Variants in TNC observed in about 807,000 individuals in gnomAD.
The protein encoded by TNC is tenascin.
Under a neutral mutation model 202.4 loss-of-function variants are expected in TNC, and 109 were observed. The ratio of observed to expected loss-of-function variants is 0.54; its 90% CI spans 0.46 to 0.63. TNC has a LOEUF of 0.63. Among genes scored for constraint, TNC ranks in the 30% least tolerant of loss-of-function variants. TNC has a pLI of 0.00. For missense variants in TNC, 2,756 were observed against 2,833.3 expected (o/e 0.97, Z 0.62); for synonymous variants, 1,007 against 1,089.7 (o/e 0.92, Z 1.50).
intron 24 of TNC, 137 bp downstream of exon 24, chr9:115,030,117 C>CAGGCACTATCTTGCAAGGCCTCACACAG: frequency 1.2e-6 from 1 of 851,706 alleles, no homozygotes; most frequent in Non-Finnish European, 1.7e-6. Context: ...CTCTGTGTGA[C>CAGGCACTATCTTGCAAGGCCTCACACAG]AGGCACTATC....
chr9:115,082,623 T>C (rs1834386285), intron 5 of TNC, 69 bp downstream of exon 5: 2 of 1,131,390 alleles, frequency 1.8e-6, no homozygotes, highest in South Asian at 2.7e-5. Flanking sequence ...GATACAGAAG[T>C]CTTCAGAACC....
chr9:115,036,006 AAAG>A (rs1019815709), intron 21 of TNC, 89 bp downstream of exon 21: 43 of 1,501,862 alleles, frequency 2.9e-5, no homozygotes, highest in African/African-American at 2.5e-4. Context: ...CTGACTTAAG[AAAG>A]AAGAACTGGC....
chr9:115,053,656 TC>T (rs1336863556), intron 15 of TNC, among the ~76,000 whole-genome samples: 1 of 152,244 alleles, frequency 6.6e-6, no homozygotes, highest in African/African-American at 2.4e-5. Flanking sequence ...CTTTGGAGTT[TC>T]CTCATTTAGT....
In TNC at chr9:115,076,555, G is replaced by T; in HGVS notation, c.2695C>A (p.Leu899Ile). Reference protein sequence around the residue: ...FTTGLDAPRNLRRVSQTDNSI... With the variant: ...FTTGLDAPRNIRRVSQTDNSI... ...TTATCTGTCTGGGAAACACGTCGAA[G>T]ATTCCTGGGAGCATCGAGGCCTGTT... The change falls in exon 8 of 28, where the codon CTT (leucine) becomes ATT (isoleucine). Residue 899 changes from leucine to isoleucine, a missense_variant. Coordinates refer to ENST00000350763, the MANE Select transcript of TNC (RefSeq NM_002160.4). 2 of 1,614,206 alleles carry T rather than the reference G, an allele frequency of 1.2e-6. No individual in the cohort carries two copies. Among genetic ancestry groups the T allele is most frequent in the Non-Finnish European group, 1.7e-6 (2 of 1,180,036 alleles).
intron 7 of TNC, 68 bp from the exon 8 acceptor site, chr9:115,076,643 C>A: frequency 6.5e-7 from 1 of 1,537,606 alleles, no homozygotes; most frequent in Non-Finnish European, 8.8e-7. Flanking sequence ...TTTGACAGCT[C>A]AAGCTGACAT....
At chr9:115,065,332 G>T (rs1832866605) in intron 10 of TNC, among the ~76,000 whole-genome samples, 1 of 152,148 alleles carries the variant, frequency 6.6e-6, no homozygotes, top group African/African-American at 2.4e-5. Context: ...GAAGGTGGAG[G>T]TTGCAGTGAG....
chr9:115,041,077 G>A lies in TNC; in HGVS notation c.5256C>T (p.Pro1752=). The A allele has an allele frequency of 9.9e-6, 16 of 1,613,032 alleles. No homozygotes were observed. Among genetic ancestry groups the A allele is most frequent in the Non-Finnish European group, 1.4e-5 (16 of 1,179,388 alleles). The change falls in exon 19 of 28, where the codon CCC becomes CCT. Residue 1752 remains proline, a synonymous_variant. Transcript: ENST00000350763. ...TGGTTCCGTCCACAGTTACCATGGA[G>A]GGTGTACCTGGAACACAGTAAAAGC... ...ITYVPITGGT[P]SMVTVDGTKT...
chr9:115,107,942 T>C (rs1338407256), intron 1 of TNC, among the ~76,000 whole-genome samples: 1 of 152,200 alleles, frequency 6.6e-6, no homozygotes, highest in Admixed American at 6.5e-5. Flanking sequence ...ACTTCCTTTT[T>C]GGAGAATACT....
intron 10 of TNC, among the ~76,000 whole-genome samples, chr9:115,069,533 AATTT>A (rs1319968330): frequency 1.3e-5 from 2 of 150,776 alleles, no homozygotes; most frequent in Admixed American, 6.6e-5. Context: ...GGTACACACT[AATTT>A]TTTTAAATGC....
At chr9:115,051,681 T>G (rs1237370247) in intron 15 of TNC, among the ~76,000 whole-genome samples, 1 of 152,044 alleles carries the variant, frequency 6.6e-6, no homozygotes, top group Non-Finnish European at 1.5e-5. Context: ...AAGAAAAAGA[T>G]GGTTATACTT....
At chr9:115,094,317 C>T (rs1419418953) in intron 1 of TNC, among the ~76,000 whole-genome samples, 1 of 152,018 alleles carries the variant, frequency 6.6e-6, no homozygotes, top group African/African-American at 2.4e-5. Context: ...CAACTTGGAT[C>T]TAGATCAAAG....
intron 9 of TNC, 75 bp downstream of exon 9, chr9:115,075,957 G>T: frequency 7.7e-7 from 1 of 1,304,532 alleles, no homozygotes; most frequent in Non-Finnish European, 1.1e-6. Flanking sequence ...TCTTTAAATA[G>T]GTTTTGGCCA....
At chr9:115,053,373 T>G (rs1456799629) in intron 15 of TNC, among the ~76,000 whole-genome samples, 6 of 152,222 alleles carry the variant, frequency 3.9e-5, no homozygotes, top group African/African-American at 1.4e-4. Flanking sequence ...AAGTTTGTAC[T>G]GGGGACACAA....
In TNC at chr9:115,086,762, G is replaced by A; in HGVS notation, c.969C>T (p.Gly323=). 6.2e-7 allele frequency: 1 copy of A among 1,613,772 alleles called. No individual in the cohort carries two copies. Residue 323 remains glycine, a synonymous_variant, in exon 3 of 28, where the codon GGC becomes GGT. Transcript: ENST00000350763. ...LICPNDCFDR[G]RCINGTCYCE... ...AGTAGCAGGTGCCATTGATGCAGCG[G>A]CCCCGGTCGAAGCAGTCATTGGGGC...
Position 115,090,662 on chromosome 9 carries a change from A to G in TNC, c.357T>C (p.Val119=). ...RACGCAAAPD[V]KELLSRLEEL... ...CCTCCAGTCTGCTCAGCAGCTCCTTAACATCAGGGGCTGCGGCACAGCCAC... is the reference window on the plus strand; with the variant it reads ...CCTCCAGTCTGCTCAGCAGCTCCTTGACATCAGGGGCTGCGGCACAGCCAC... Residue 119 remains valine (V), a synonymous_variant, in exon 2 of 28, where the codon GTT becomes GTC. Transcript: ENST00000350763. The G allele has an allele frequency of 6.2e-7, 1 of 1,614,014 alleles. No homozygotes were observed. The highest frequency in any genetic ancestry group is 8.5e-7 in the Non-Finnish European group (1 of 1,179,892).
In TNC at chr9:115,080,551, T is replaced by A. The variant is rs187693594; in HGVS notation, c.2404+1221A>T. On this transcript the variant is annotated intron_variant, in intron 6 of 27. Transcript: ENST00000350763. Reference sequence around the variant, plus strand: ...CGATTACTTAAAGAGTTGGCGCATATGTTATCTTGAAGAAAATAAAGAGGT... The same window carrying A: ...CGATTACTTAAAGAGTTGGCGCATAAGTTATCTTGAAGAAAATAAAGAGGT... 4.6e-5 allele frequency among the ~76,000 whole-genome samples: 7 copies of A among 152,320 alleles called. No individual in the cohort carries two copies. In the East Asian group the frequency reaches 1.4e-3, roughly 29 times the overall value.
intron 1 of TNC, among the ~76,000 whole-genome samples, chr9:115,102,927 G>A (rs114563519): frequency 0.013 from 1,965 of 152,218 alleles, 38 homozygotes; most frequent in African/African-American, 0.045. Context: ...CTTATATTGT[G>A]GAATTAATGA....
intron 27 of TNC, 113 bp downstream of exon 27, chr9:115,023,860 A>G (rs1829273135): frequency 2.4e-6 from 3 of 1,246,238 alleles, no homozygotes; most frequent in Non-Finnish European, 3.4e-6. Flanking sequence ...TTGTCATACA[A>G]GTAAGGTTCC....
chr9:115,063,405 A>C (rs1382370108), intron 12 of TNC, among the ~76,000 whole-genome samples: 1 of 152,176 alleles, frequency 6.6e-6, no homozygotes, highest in African/African-American at 2.4e-5. Flanking sequence ...AGTTTTAGGA[A>C]TTGTTCACAA....
Sources: gnomAD v4.1 joint callset for allele counts (sites outside exome capture counted in the v4.1 genomes callset) on GRCh38, gnomAD v4.1.1 for gene constraint, MANE v1.5 for transcripts, NCBI Gene and HGNC (gene_info 2026-07-23, HGNC 2026-07-21) for gene names.